SSH3: variants seen among roughly 807,000 people sequenced by gnomAD.
The protein encoded by SSH3 is slingshot protein phosphatase 3.
SSH3 carries 67 observed loss-of-function variants against 75.0 expected under a neutral mutation model. The ratio of observed to expected loss-of-function variants is 0.89; its 90% CI spans 0.73 to 1.10. SSH3 has a LOEUF of 1.10. SSH3 is among the 50% of genes least tolerant of loss of function. The probability of loss-of-function intolerance (pLI) is 0.00; values close to 1 mark genes in which losing one functional copy is unlikely to be tolerated. For synonymous variants in SSH3, 318 were observed against 349.2 expected (o/e 0.91, Z 1.00); for missense variants, 824 against 872.7 (o/e 0.94, Z 0.70).
rs879134443 is a variant in SSH3, at chr11:67,307,792, G to C, written c.792-54G>C. ...GAGGGGAAGGCAGGATAATGCAGTG[G>C]GGGGCATGGTGGAGAGGGGAAAGGG... On this transcript the variant is annotated intron_variant, in intron 7 of 13. Coordinates refer to ENST00000308127, the MANE Select transcript of SSH3 (RefSeq NM_017857.4). This position sits in a 1 kb window ranked among gnomAD's most constrained non-coding sequence, Gnocchi z 4.2. 65 of 1,613,856 alleles carry C rather than the reference G, an allele frequency of 4.0e-5. No individual in the cohort carries two copies. In the South Asian group the frequency reaches 6.1e-4, roughly 15 times the overall value.
Position 67,308,292 on chromosome 11 carries a change from A to C in SSH3, c.1004A>C (p.His335Pro). 6.2e-7 allele frequency: 1 copy of C among 1,613,882 alleles called. No individual in the cohort carries two copies. The highest frequency in any genetic ancestry group is 8.5e-7 in the Non-Finnish European group (1 of 1,179,948). The change falls in exon 9 of 14, where the codon CAC (histidine) becomes CCC (proline). Residue 335 changes from histidine (H) to proline (P), a missense_variant. Transcript: ENST00000308127. The surrounding 1 kb of genome is among the most constrained non-coding windows in gnomAD (Gnocchi z 4.9). ...QRDRASRIFP[H>P]LYLGSEWNAA... ...GACCGAGCCTCCCGCATCTTCCCCCACCTCTACCTGGTGAGCTTCAGCCAG... is the reference window on the plus strand; with the variant it reads ...GACCGAGCCTCCCGCATCTTCCCCCCCCTCTACCTGGTGAGCTTCAGCCAG...
At position 67,310,019 on chromosome 11, in the gene SSH3, G is replaced by A. The variant is rs767947988; in HGVS notation, c.1410-47G>A. ...GGGTGAGTAGGTGGGTTTGCTGGGG[G>A]TGGCTGCTGGGTCACTCAGAGCTGA... On this transcript the variant is annotated intron_variant, in intron 12 of 13. Transcript: ENST00000308127. The A allele has an allele frequency of 8.1e-6, 13 of 1,609,746 alleles. No individual in the cohort carries two copies. The South Asian group carries it at 1.4e-4, about 18-fold the overall frequency.
At position 67,311,638 on chromosome 11, in the gene SSH3, C is replaced by T. The variant is rs750537704; in HGVS notation, c.1731C>T (p.Phe577=). ...ESSHEEPLQP[F]PQLARTKGGQ... is the part of the protein sequence containing the mutation. ...CACATGAAGAGCCTCTGCAGCCCTT[C>T]CCACAGCTTGCAAGGACCAAGGGAG... The change falls in exon 14 of 14, where the codon TTC becomes TTT. Residue 577 remains phenylalanine (F), a synonymous_variant. Transcript: ENST00000308127. 3.1e-6 allele frequency: 5 copies of T among 1,614,030 alleles called. No homozygotes were observed. The Admixed American group carries it at 8.3e-5, about 27-fold the overall frequency.
Position 67,307,410 on chromosome 11 carries a change from C to T in SSH3, c.576C>T (p.Phe192=), listed in dbSNP as rs146052842. ...CGTCTGGTGGGCAAAGCCGGATCTTCAAGCCCATCTCCATCCAGACCATGT... is the reference window on the plus strand; with the variant it reads ...CGTCTGGTGGGCAAAGCCGGATCTTTAAGCCCATCTCCATCCAGACCATGT... ...SVTSGGQSRI[F]KPISIQTMWA... The change falls in exon 6 of 14, where the codon TTC becomes TTT. Residue 192 remains phenylalanine, a synonymous_variant. Coordinates refer to ENST00000308127, the MANE Select transcript of SSH3 (RefSeq NM_017857.4). The surrounding 1 kb of genome is among the most constrained non-coding windows in gnomAD (Gnocchi z 4.2). 31 of 1,614,104 alleles carry T rather than the reference C, an allele frequency of 1.9e-5. No individual in the cohort carries two copies. The highest frequency in any genetic ancestry group is 2.4e-5 in the Non-Finnish European group (28 of 1,180,034).
In SSH3 at chr11:67,308,659, C is replaced by A. The variant is rs546550512; in HGVS notation, c.1061+201C>A. ...ACCTGCTGGCCAGCCCCCGCCCACTCTCCTCCCCCATCCACACTGTGAAAC... is the reference window on the plus strand; with the variant it reads ...ACCTGCTGGCCAGCCCCCGCCCACTATCCTCCCCCATCCACACTGTGAAAC... On this transcript the variant is annotated intron_variant, in intron 10 of 13. Coordinates refer to ENST00000308127, the MANE Select transcript of SSH3 (RefSeq NM_017857.4). The surrounding 1 kb of genome is among the most constrained non-coding windows in gnomAD (Gnocchi z 4.9). Among the ~76,000 whole-genome samples, 1 of 152,224 alleles carries A rather than the reference C, an allele frequency of 6.6e-6. No individual in the cohort carries two copies. The highest frequency in any genetic ancestry group is 1.9e-4 in the East Asian group (1 of 5,170).
intron 3 of SSH3, 84 bp from the exon 4 acceptor site, chr11:67,306,754 A>T: frequency 6.9e-7 from 1 of 1,455,910 alleles, no homozygotes; most frequent in South Asian, 1.3e-5. Context: ...GAGCAGGGTC[A>T]GCACTGTTCT....
chr11:67,311,521 C>T lies in SSH3; in HGVS notation c.1684-70C>T, dbSNP rs533732121. ...TTGGCACCCCTGCCCCAGATCTTCC[C>T]GGCTCTGTGCTTGGGCACCCCTGCC... On this transcript the variant is annotated intron_variant, in intron 13 of 13. Transcript: ENST00000308127. 6.6e-5 allele frequency: 104 copies of T among 1,580,490 alleles called. No homozygotes were observed. In the African/African-American group the frequency reaches 8.7e-4, roughly 13 times the overall value.
rs372414797 is a variant in SSH3, at chr11:67,308,271, G to C, written c.983G>C (p.Arg328Pro). Residue 328 changes from arginine (R) to proline (P), a missense_variant, in exon 9 of 14, where the codon CGA becomes CCA. Coordinates refer to ENST00000308127, the MANE Select transcript of SSH3 (RefSeq NM_017857.4). This position sits in a 1 kb window ranked among gnomAD's most constrained non-coding sequence, Gnocchi z 4.9. The part of the protein sequence containing the change: ...QMLLLVAQRD[R>P]ASRIFPHLYL... Reference sequence around the variant, plus strand: ...CTGCTGCTGGTGGCACAGCGGGACCGAGCCTCCCGCATCTTCCCCCACCTC... The same window carrying C: ...CTGCTGCTGGTGGCACAGCGGGACCCAGCCTCCCGCATCTTCCCCCACCTC... 6.2e-7 allele frequency: 1 copy of C among 1,614,112 alleles called. No homozygotes were observed. Among genetic ancestry groups the C allele is most frequent in the Non-Finnish European group, 8.5e-7 (1 of 1,180,024 alleles).
In SSH3 at chr11:67,304,126, G is replaced by A; in HGVS notation, c.75G>A (p.Ala25=). 1 of 1,597,488 alleles carries A rather than the reference G, an allele frequency of 6.3e-7. No homozygotes were observed. The highest frequency in any genetic ancestry group is 8.5e-7 in the Non-Finnish European group (1 of 1,176,224). The change falls in exon 2 of 14, where the codon GCG becomes GCA. Residue 25 remains alanine (A), a synonymous_variant. Transcript: ENST00000308127. ...ASTPVGPWDQ[A]VQRRSRLQRR... ...GGCTGCTCTCTCCGCAGGACCAGGC[G>A]GTCCAGCGAAGGAGTCGACTCCAGC...
chr11:67,304,139 A>AGTCGACTCCAGCGAAGGT lies in SSH3; in HGVS notation c.90_104+3dup. 1 of 1,599,560 alleles carries AGTCGACTCCAGCGAAGGT rather than the reference A, an allele frequency of 6.3e-7. No individual in the cohort carries two copies. The highest frequency in any genetic ancestry group is 8.5e-7 in the Non-Finnish European group (1 of 1,176,850). On this transcript the variant is annotated inframe_insertion, in exon 2 of 14. Coordinates refer to ENST00000308127, the MANE Select transcript of SSH3 (RefSeq NM_017857.4). ...GCAGGACCAGGCGGTCCAGCGAAGG[A>AGTCGACTCCAGCGAAGGT]GTCGACTCCAGCGAAGGTGAGCGCC...
In SSH3 at chr11:67,309,336, G is replaced by A. The variant is rs894546759; in HGVS notation, c.1062-61G>A. On this transcript the variant is annotated intron_variant, in intron 10 of 13. Coordinates refer to ENST00000308127, the MANE Select transcript of SSH3 (RefSeq NM_017857.4). ...GCGAGGCCCAGGGGCTGCCAGGTCC[G>A]ATTGCCAGTGGGCCTGGTACCTCTG... 4.7e-5 allele frequency: 75 copies of A among 1,599,806 alleles called. No individual in the cohort carries two copies. In the Middle Eastern group the frequency reaches 5.0e-4, roughly 11 times the overall value.
At chr11:67,304,627 GC>G (rs1861177693) in intron 2 of SSH3, 145 bp from the exon 3 acceptor site, 1 of 745,020 alleles carries the variant, frequency 1.3e-6, no homozygotes, top group Admixed American at 2.7e-5. Flanking sequence ...AGATGCTCAG[GC>G]CTCCACTCTA....
chr11:67,306,437 C>T (rs1861247313), intron 3 of SSH3, among the ~76,000 whole-genome samples: 1 of 152,070 alleles, frequency 6.6e-6, no homozygotes, highest in Non-Finnish European at 1.5e-5. Flanking sequence ...CTCATCTCAA[C>T]AAAAAACTTA....
At chr11:67,306,810 T>C in intron 3 of SSH3, 28 bp from the exon 4 acceptor site, 1 of 1,592,056 alleles carries the variant, frequency 6.3e-7, no homozygotes. Context: ...GGGGCCACTG[T>C]GACCCTGGGT....
chr11:67,305,747 G>A (rs1861222929), intron 3 of SSH3, among the ~76,000 whole-genome samples: 1 of 152,108 alleles, frequency 6.6e-6, no homozygotes. Flanking sequence ...GAGGGGAGGA[G>A]GACTCCAGCC....
rs1861306449 is a variant in SSH3 at position 67,308,317 on chromosome 11, G to A, written c.1014+15G>A. 2 of 1,613,866 alleles carry A rather than the reference G, an allele frequency of 1.2e-6. No individual in the cohort carries two copies. Among genetic ancestry groups the A allele is most frequent in the Middle Eastern group, 1.6e-4 (1 of 6,084 alleles). On this transcript the variant is annotated intron_variant, in intron 9 of 13. Transcript: ENST00000308127. The surrounding 1 kb of genome is among the most constrained non-coding windows in gnomAD (Gnocchi z 4.9). ...ACCTCTACCTGGTGAGCTTCAGCCA[G>A]GCCTGGGCCATGGGGACCGCTGGCA...
At chr11:67,306,094 C>T (rs2134771504) in intron 3 of SSH3, among the ~76,000 whole-genome samples, 1 of 148,852 alleles carries the variant, frequency 6.7e-6, no homozygotes, top group South Asian at 2.1e-4. Flanking sequence ...TCGAGACCAT[C>T]CTGGCTAACA....
chr11:67,312,049 CCCTGTCACTACAGCCTCACCTCCTACAG>C lies in SSH3; in HGVS notation c.*166_*193del. 1.1e-6 allele frequency: 1 copy of C among 916,538 alleles called. No individual in the cohort carries two copies. The highest frequency in any genetic ancestry group is 1.7e-5 in the African/African-American group (1 of 58,870). The allele number at this position is 916,538 out of a possible 1,614,324, so 56.8% of individuals were successfully genotyped here. ...CTGTCACTACGGCCTCACCTCCCAC[CCCTGTCACTACAGCCTCACCTCCTACAG>C]CCTTAAGTCCCAGGCCCATGTCTGC... On this transcript the variant is annotated 3_prime_UTR_variant, in exon 14 of 14. Transcript: ENST00000308127.
At chr11:67,305,115 G>A in intron 3 of SSH3, 108 bp downstream of exon 3, 2 of 1,052,026 alleles carry the variant, frequency 1.9e-6, no homozygotes, top group African/African-American at 1.6e-5. Flanking sequence ...TGAGGGCAGG[G>A]GGCAGCCTGG....
Sources: gnomAD v4.1 joint callset for allele counts (sites outside exome capture counted in the v4.1 genomes callset) on GRCh38, gnomAD v4.1.1 for gene constraint, Gnocchi (gnomAD v3.1) non-coding constraint, MANE v1.5 for transcripts, NCBI Gene and HGNC (gene_info 2026-07-23, HGNC 2026-07-21) for gene names.